Variants in SDK1 observed in about 807,000 individuals in gnomAD.
SDK1 encodes the protein sidekick cell adhesion molecule 1, also known as protein sidekick-1.
Under a neutral mutation model 245.5 loss-of-function variants are expected in SDK1, and 157 were observed. The ratio of observed to expected loss-of-function variants is 0.64; its 90% CI spans 0.56 to 0.73. The LOEUF is 0.73. SDK1 is among the 30% of genes least tolerant of loss of function. The pLI is 0.00. For synonymous variants in SDK1, 1,647 were observed against 1,278.5 expected (o/e 1.29, Z -6.15); for missense variants, 3,583 against 3,002.3 (o/e 1.19, Z -4.52).
chr7:3,391,387 A>T (rs1048152170), intron 1 of SDK1, among the ~76,000 whole-genome samples: 1 of 152,112 alleles, frequency 6.6e-6, no homozygotes, highest in African/African-American at 2.4e-5. Context: ...TTCTTCTAGC[A>T]TTGCTGGAAG....
Position 4,233,406 on chromosome 7 carries a change from C to T in SDK1, c.5979C>T (p.Ser1993=). ...GCTACGGGGAGCCCAGCAACCCCTCCACGGCTGTGTCAGGTAGGCCCTCCC... is the reference window on the plus strand; with the variant it reads ...GCTACGGGGAGCCCAGCAACCCCTCTACGGCTGTGTCAGGTAGGCCCTCCC... The part of the protein sequence containing the change: ...EAGYGEPSNP[S]TAVSAQVEAP... Residue 1993 remains serine (S), a synonymous_variant, in exon 41 of 45, where the codon TCC becomes TCT. Coordinates refer to ENST00000404826, the MANE Select transcript of SDK1 (RefSeq NM_152744.4). 1 of 1,612,516 alleles carries T rather than the reference C, an allele frequency of 6.2e-7. No homozygotes were observed.
At chr7:3,371,423 C>T (rs1232190709) in intron 1 of SDK1, among the ~76,000 whole-genome samples, 3 of 151,878 alleles carry the variant, frequency 2.0e-5, no homozygotes, top group African/African-American at 4.8e-5. Flanking sequence ...ATGTGAAACA[C>T]AGGTAACAAA....
chr7:4,084,675 CGTTAT>C (rs60696477), intron 22 of SDK1, among the ~76,000 whole-genome samples: 23,021 of 119,526 alleles, frequency 0.19, 2,087 homozygotes, highest in East Asian at 0.26. Context: ...TGTTATGTTA[CGTTAT>C]GTTATGTTAT....
intron 20 of SDK1, 149 bp from the exon 21 acceptor site, chr7:4,076,849 C>A: frequency 1.6e-6 from 1 of 642,634 alleles, no homozygotes. Context: ...ACCTGTGTCT[C>A]ATGTCAGTAG....
chr7:3,380,439 G>C lies in SDK1; in HGVS notation c.298+78555G>C, dbSNP rs146991640. 4.2e-3 allele frequency among the ~76,000 whole-genome samples: 636 copies of C among 152,290 alleles called. 9 individuals carry two copies. The highest frequency in any genetic ancestry group is 0.018 in the South Asian group (87 of 4,826). On this transcript the variant is annotated intron_variant, in intron 1 of 44. Coordinates refer to ENST00000404826, the MANE Select transcript of SDK1 (RefSeq NM_152744.4). ...AGTTACAGAAAAGCTATCATTTTGAGCTACCTTGAGACTGAAGTGTCTGCA... is the reference window on the plus strand; with the variant it reads ...AGTTACAGAAAAGCTATCATTTTGACCTACCTTGAGACTGAAGTGTCTGCA...
chr7:3,955,644 G>A (rs1781202847), intron 7 of SDK1, among the ~76,000 whole-genome samples: 1 of 152,162 alleles, frequency 6.6e-6, no homozygotes, highest in Non-Finnish European at 1.5e-5. Context: ...GAAGGAACAG[G>A]GAGGCAGCGC....
At chr7:3,522,578 C>T (rs2128615086) in intron 1 of SDK1, among the ~76,000 whole-genome samples, 1 of 152,004 alleles carries the variant, frequency 6.6e-6, no homozygotes, top group African/African-American at 2.4e-5. Context: ...TAGAAGGAGC[C>T]CTGATATGTT....
chr7:3,696,622 A>G (rs7792769), intron 4 of SDK1, among the ~76,000 whole-genome samples: 1 of 151,232 alleles, frequency 6.6e-6, no homozygotes, highest in Non-Finnish European at 1.5e-5. Flanking sequence ...ATTTAAGGTT[A>G]CTCAAAAAGC....
intron 1 of SDK1, among the ~76,000 whole-genome samples, chr7:3,434,930 G>A (rs1779975239): frequency 1.3e-5 from 2 of 152,138 alleles, no homozygotes; most frequent in Admixed American, 1.3e-4. Flanking sequence ...TCATCTCACA[G>A]GTGAGTTTTC....
chr7:3,668,756 A>C (rs1175258357), intron 4 of SDK1, among the ~76,000 whole-genome samples: 1 of 152,236 alleles, frequency 6.6e-6, no homozygotes, highest in East Asian at 1.9e-4. Context: ...GCGCCATTGC[A>C]CTCCAGCCTG....
At position 3,642,095 on chromosome 7, in the gene SDK1, A is replaced by G. The variant is rs767369398; in HGVS notation, c.703A>G (p.Ser235Gly). The G allele has an allele frequency of 2.5e-6, 4 of 1,613,798 alleles. No individual in the cohort carries two copies. The highest frequency in any genetic ancestry group is 1.3e-5 in the African/African-American group (1 of 74,920). ...WFREGHKIIP[S>G]NRIAITLENQ... Reference sequence around the variant, plus strand: ...TAGAGAAGGGCACAAGATTATTCCAAGCAACAGAATGTAAGTTGCTCCAAA... The same window carrying G: ...TAGAGAAGGGCACAAGATTATTCCAGGCAACAGAATGTAAGTTGCTCCAAA... The change falls in exon 4 of 45, where the codon AGC (serine) becomes GGC (glycine). Residue 235 changes from serine (S) to glycine (G), a missense_variant. Coordinates refer to ENST00000404826, the MANE Select transcript of SDK1 (RefSeq NM_152744.4).
chr7:4,057,423 C>T (rs576309357), intron 19 of SDK1, among the ~76,000 whole-genome samples: 1 of 152,296 alleles, frequency 6.6e-6, no homozygotes, highest in Admixed American at 6.5e-5. Context: ...CACCCCTGGG[C>T]CTGGGGACTG....
At chr7:3,623,407 A>T (rs989508089) in intron 2 of SDK1, among the ~76,000 whole-genome samples, 1 of 151,712 alleles carries the variant, frequency 6.6e-6, no homozygotes, top group Non-Finnish European at 1.5e-5. Context: ...CGCCTGGCTA[A>T]TTTTTTTATT....
chr7:3,472,029 C>T (rs867993673), intron 1 of SDK1, among the ~76,000 whole-genome samples: 2 of 151,914 alleles, frequency 1.3e-5, no homozygotes. Context: ...TCGGTATGAC[C>T]CTCTTGTGTT....
chr7:4,264,461 T>G (rs1177694092), intron 44 of SDK1, among the ~76,000 whole-genome samples: 2 of 92,866 alleles, frequency 2.2e-5, no homozygotes, highest in African/African-American at 7.0e-5. Flanking sequence ...GGACCTCTCC[T>G]GAGTGAGGGA....
rs143701875 is a variant in SDK1 at position 3,563,783 on chromosome 7, A to G, written c.299-55297A>G. Reference sequence around the variant, plus strand: ...CTCGTTTGGAGTGATTATAAAAATAAACCGTGTATTATGCCATATAAGAAG... The same window carrying G: ...CTCGTTTGGAGTGATTATAAAAATAGACCGTGTATTATGCCATATAAGAAG... On this transcript the variant is annotated intron_variant, in intron 1 of 44. Coordinates refer to ENST00000404826, the MANE Select transcript of SDK1 (RefSeq NM_152744.4). Among the ~76,000 whole-genome samples the G allele has an allele frequency of 2.7e-3, 405 of 152,334 alleles. 2 individuals carry two copies. Among genetic ancestry groups the G allele is most frequent in the African/African-American group, 9.3e-3 (385 of 41,586 alleles).
chr7:3,682,685 A>G (rs1358976683), intron 4 of SDK1, among the ~76,000 whole-genome samples: 1 of 150,300 alleles, frequency 6.7e-6, no homozygotes, highest in Non-Finnish European at 1.5e-5. Flanking sequence ...CTCCTCTCTC[A>G]GAAGGGGGGA....
intron 4 of SDK1, among the ~76,000 whole-genome samples, chr7:3,776,970 T>C (rs1780584458): frequency 6.6e-6 from 1 of 152,134 alleles, no homozygotes; most frequent in African/African-American, 2.4e-5. Flanking sequence ...GAAAGATCTG[T>C]TTCCACCCCC....
intron 1 of SDK1, among the ~76,000 whole-genome samples, chr7:3,357,654 C>T (rs1380456040): frequency 6.6e-6 from 1 of 151,928 alleles, no homozygotes; most frequent in Non-Finnish European, 1.5e-5. Context: ...GCCCACTCCC[C>T]TTCCTCACCA....
Sources: allele counts gnomAD v4.1 joint callset (sites outside exome capture counted in the v4.1 genomes callset), GRCh38; gene constraint gnomAD v4.1.1; transcripts MANE v1.5; gene names NCBI Gene and HGNC (gene_info 2026-07-23, HGNC 2026-07-21).